TMEM135: variants seen among roughly 807,000 people sequenced by gnomAD.
The protein encoded by TMEM135 is transmembrane protein 135, also known as peroxisomal membrane protein 52.
A neutral mutation model predicts 60.3 loss-of-function variants in TMEM135; 30 were observed. That is an observed-to-expected ratio of 0.50 (90% CI 0.37 to 0.68). The LOEUF (loss-of-function observed/expected upper bound fraction) is 0.68, where lower values mean the gene tolerates loss of function less well. Ranked by LOEUF, TMEM135 falls within the 30% of genes least tolerant of loss-of-function variation. TMEM135 has a pLI of 0.00. For synonymous variants in TMEM135, 190 were observed against 186.7 expected, an observed-to-expected ratio of 1.02 and a Z score of -0.14; for missense variants, 468 against 548.8, an observed-to-expected ratio of 0.85 and a Z score of 1.47.
chr11:87,219,938 G>T (rs540696403), intron 5 of TMEM135, among the ~76,000 whole-genome samples: 10 of 152,158 alleles, frequency 6.6e-5, no homozygotes, highest in Non-Finnish European at 1.5e-4. Flanking sequence ...AGTATTGAGT[G>T]TATAAAATTG....
intron 10 of TMEM135, among the ~76,000 whole-genome samples, chr11:87,310,615 A>G (rs952530313): frequency 2.7e-5 from 4 of 148,190 alleles, no homozygotes; most frequent in African/African-American, 4.9e-5. Context: ...CTAAAAAAAA[A>G]GTTGCAATTA....
At chr11:87,280,411 C>T (rs925970270) in intron 6 of TMEM135, among the ~76,000 whole-genome samples, 2 of 152,128 alleles carry the variant, frequency 1.3e-5, no homozygotes, top group Non-Finnish European at 2.9e-5. Context: ...GTGACATGTG[C>T]CAGTCTTTCT....
chr11:87,183,531 A>G (rs933171686), intron 5 of TMEM135, among the ~76,000 whole-genome samples: 8 of 152,162 alleles, frequency 5.3e-5, no homozygotes, highest in African/African-American at 1.9e-4. Flanking sequence ...TTTAATTCCT[A>G]AAACACTATT....
chr11:87,326,630 C>A lies in TMEM135; in HGVS notation c.*5297C>A. On this transcript the variant is annotated 3_prime_UTR_variant, in exon 15 of 15. Coordinates refer to ENST00000305494, the MANE Select transcript of TMEM135 (RefSeq NM_022918.4). ...TTCTCCTATTCTTTTCTTTACCTTT[C>A]CTGGCCCATGCTTTCCTGCCATATC... The A allele has an allele frequency of 2.2e-6, 1 of 454,074 alleles. No homozygotes were observed. The highest frequency in any genetic ancestry group is 4.4e-6 in the Non-Finnish European group (1 of 226,782). 28.1% of individuals were successfully genotyped at this position (454,074 alleles called of 1,614,324 possible).
chr11:87,177,263 C>G (rs142992907), intron 5 of TMEM135, among the ~76,000 whole-genome samples: 285 of 152,178 alleles, frequency 1.9e-3, no homozygotes, highest in Middle Eastern at 6.8e-3. Flanking sequence ...GATTTTTAAC[C>G]TCATTTATCA....
chr11:87,222,803 CA>C (rs1387946312), intron 5 of TMEM135, among the ~76,000 whole-genome samples: 1 of 143,172 alleles, frequency 7.0e-6, no homozygotes, highest in Non-Finnish European at 1.5e-5. Flanking sequence ...GAAACTGTCT[CA>C]AAAAAAAAGA....
chr11:87,159,593 GCACACA>G (rs146638445), intron 5 of TMEM135, among the ~76,000 whole-genome samples: 1 of 124,878 alleles, frequency 8.0e-6, no homozygotes, highest in Non-Finnish European at 1.8e-5. Flanking sequence ...ACACACACGC[GCACACA>G]CACACACACA....
intron 4 of TMEM135, among the ~76,000 whole-genome samples, chr11:87,131,777 T>TG (rs1937938693): frequency 6.6e-6 from 1 of 152,138 alleles, no homozygotes; most frequent in Non-Finnish European, 1.5e-5. Flanking sequence ...TACTGGTCCG[T>TG]GGCCTGTTAG....
rs71040295 is a variant in TMEM135 at position 87,129,213 on chromosome 11, A to ATTTTTTTTTTTTTT, written c.397-28094_397-28081dup. On this transcript the variant is annotated intron_variant, in intron 4 of 14. Transcript: ENST00000305494. ...TTCTATACATGTTCCTTATTCCTTA[A>ATTTTTTTTTTTTTT]TTTTTTTTTTTTTTTTTTTTTTTTT... Among the ~76,000 whole-genome samples, 15 of 116,250 alleles carry ATTTTTTTTTTTTTT rather than the reference A, an allele frequency of 1.3e-4. 1 individual carries two copies. The highest frequency in any genetic ancestry group is 2.4e-4 in the Admixed American group (3 of 12,498). The allele number at this position is 116,250 out of a possible 152,430, so 76.3% of individuals were successfully genotyped here. A position where few individuals can be genotyped will look rare whatever the true frequency, so the allele number is the denominator to read the frequency against.
At chr11:87,247,013 T>C (rs1376598843) in intron 6 of TMEM135, among the ~76,000 whole-genome samples, 11 of 147,394 alleles carry the variant, frequency 7.5e-5, no homozygotes, top group Non-Finnish European at 1.5e-4. Flanking sequence ...ATGATGGTGA[T>C]GAACAGATGG....
Position 87,322,519 on chromosome 11 carries a change from G to T in TMEM135, c.*1186G>T. 2.2e-6 allele frequency: 1 copy of T among 453,950 alleles called. No individual in the cohort carries two copies. Among genetic ancestry groups the T allele is most frequent in the Non-Finnish European group, 4.4e-6 (1 of 226,710 alleles). The allele number at this position is 453,950 out of a possible 1,614,324, so 28.1% of individuals were successfully genotyped here. A position where few individuals can be genotyped will look rare whatever the true frequency, so the allele number is the denominator to read the frequency against. ...TGGTCGCTATTTACAGTTTTTCAGG[G>T]AAAAGTTATACTTTTCTATGTTAAT... On this transcript the variant is annotated 3_prime_UTR_variant, in exon 15 of 15. Transcript: ENST00000305494.
intron 4 of TMEM135, among the ~76,000 whole-genome samples, chr11:87,098,066 T>C (rs1452450323): frequency 6.6e-6 from 1 of 152,220 alleles, no homozygotes; most frequent in Non-Finnish European, 1.5e-5. Flanking sequence ...GTACCTAAAA[T>C]GTACTTTGTG....
chr11:87,326,873 T>A lies in TMEM135; in HGVS notation c.*5540T>A, dbSNP rs1447468008. ...AGAACCAAAGGGCAGGATAAATAAA[T>A]CTATGAAACTAGAGGCATCATTGAA... On this transcript the variant is annotated 3_prime_UTR_variant, in exon 15 of 15. Transcript: ENST00000305494. 1 of 450,870 alleles carries A rather than the reference T, an allele frequency of 2.2e-6. No individual in the cohort carries two copies. The highest frequency in any genetic ancestry group is 4.4e-6 in the Non-Finnish European group (1 of 226,122). The allele number at this position is 450,870 out of a possible 1,614,324, so 27.9% of individuals were successfully genotyped here.
At chr11:87,065,793 T>C (rs1033868262) in intron 1 of TMEM135, among the ~76,000 whole-genome samples, 1 of 152,358 alleles carries the variant, frequency 6.6e-6, no homozygotes, top group African/African-American at 2.4e-5. Context: ...AATTTTGTAG[T>C]TTTATGTTTC....
chr11:87,069,911 C>T (rs1425770197), intron 2 of TMEM135, among the ~76,000 whole-genome samples: 1 of 152,070 alleles, frequency 6.6e-6, no homozygotes, highest in Non-Finnish European at 1.5e-5. Context: ...GTGGCTCACA[C>T]CTGTTATCTC....
chr11:87,160,620 G>C (rs1020455078), intron 5 of TMEM135, among the ~76,000 whole-genome samples: 1 of 152,116 alleles, frequency 6.6e-6, no homozygotes, highest in African/African-American at 2.4e-5. Flanking sequence ...TTAGCTGTAG[G>C]TAATTATTAT....
chr11:87,310,799 T>A (rs1016073338), intron 10 of TMEM135, among the ~76,000 whole-genome samples: 6 of 151,004 alleles, frequency 4.0e-5, no homozygotes, highest in South Asian at 2.1e-4. Context: ...GATTTTTTTT[T>A]AATCTACAAT....
At chr11:87,259,231 G>A (rs924825522) in intron 6 of TMEM135, 1 of 476,900 alleles carries the variant, frequency 2.1e-6, no homozygotes. Flanking sequence ...AATTCCTCCG[G>A]GGATAGGGGT....
intron 9 of TMEM135, among the ~76,000 whole-genome samples, chr11:87,306,503 A>G (rs1310262085): frequency 6.6e-6 from 1 of 152,154 alleles, no homozygotes; most frequent in Non-Finnish European, 1.5e-5. Flanking sequence ...TAACTGGAGC[A>G]TGTCCACAGT....
Sources: allele counts gnomAD v4.1 joint callset (sites outside exome capture counted in the v4.1 genomes callset), GRCh38; gene constraint gnomAD v4.1.1; transcripts MANE v1.5; gene names NCBI Gene and HGNC (gene_info 2026-07-23, HGNC 2026-07-21).